Variants in SCAMP1 observed in about 807,000 individuals in gnomAD.
SCAMP1 encodes the protein secretory carrier membrane protein 1.
SCAMP1 carries 15 observed loss-of-function variants against 41.8 expected under a neutral mutation model. The observed-to-expected ratio is 0.36, with a 90% CI of 0.24 to 0.55. The LOEUF (loss-of-function observed/expected upper bound fraction) is 0.55. Among genes scored for constraint, SCAMP1 ranks in the 20% least tolerant of loss-of-function variants. SCAMP1 has a pLI of 0.86. For missense variants in SCAMP1, 341 were observed against 412.6 expected, an observed-to-expected ratio of 0.83 and a Z score of 1.50; for synonymous variants, 135 against 136.8, an observed-to-expected ratio of 0.99 and a Z score of 0.09.
chr5:78,363,885 GA>G (rs1336539668), intron 1 of SCAMP1, among the ~76,000 whole-genome samples: 2 of 152,012 alleles, frequency 1.3e-5, no homozygotes, highest in Non-Finnish European at 2.9e-5. Context: ...TATGAAATTT[GA>G]ATGGCTTTCA....
At chr5:78,469,183 A>G (rs1299318987) in intron 8 of SCAMP1, among the ~76,000 whole-genome samples, 2 of 152,168 alleles carry the variant, frequency 1.3e-5, no homozygotes, top group African/African-American at 4.8e-5. Flanking sequence ...TCCACTTTGT[A>G]ACTTTATTTA....
chr5:78,454,753 G>A (rs781490094), intron 7 of SCAMP1, among the ~76,000 whole-genome samples: 198 of 152,314 alleles, frequency 1.3e-3, no homozygotes, highest in Non-Finnish European at 2.4e-3. Flanking sequence ...GTTTCAGAAG[G>A]AATGGTACCA....
At chr5:78,431,441 T>C (rs533913971) in intron 6 of SCAMP1, among the ~76,000 whole-genome samples, 1 of 151,780 alleles carries the variant, frequency 6.6e-6, no homozygotes, top group South Asian at 2.1e-4. Flanking sequence ...ATATTTAATA[T>C]AATTACTTAT....
Position 78,444,492 on chromosome 5 carries a change from A to C in SCAMP1, c.633-5441A>C, listed in dbSNP as rs1048258896. Reference sequence around the variant, plus strand: ...GAAAACCTGCCCCCATGATTCAGTTACTTGCCACCAGGTCCCTCCCATGAC... The same window carrying C: ...GAAAACCTGCCCCCATGATTCAGTTCCTTGCCACCAGGTCCCTCCCATGAC... On this transcript the variant is annotated intron_variant, in intron 6 of 8. Coordinates refer to ENST00000621999, the MANE Select transcript of SCAMP1 (RefSeq NM_004866.6). Among the ~76,000 whole-genome samples, 3 of 152,194 alleles carry C rather than the reference A, an allele frequency of 2.0e-5. No homozygotes were observed. In the South Asian group the frequency reaches 6.2e-4, roughly 32 times the overall value.
At chr5:78,469,956 G>A (rs1038423437) in intron 8 of SCAMP1, among the ~76,000 whole-genome samples, 1 of 132,904 alleles carries the variant, frequency 7.5e-6, no homozygotes, top group Non-Finnish European at 1.6e-5. Flanking sequence ...CAGGCATGGT[G>A]GTGTGAGTTT....
At chr5:78,365,417 T>A (rs1358503420) in intron 1 of SCAMP1, among the ~76,000 whole-genome samples, 1 of 130,162 alleles carries the variant, frequency 7.7e-6, no homozygotes, top group Non-Finnish European at 1.5e-5. Context: ...GAGGTTGCAG[T>A]GAGCTGAGAT....
chr5:78,440,478 C>T (rs574913877), intron 6 of SCAMP1, among the ~76,000 whole-genome samples: 1 of 152,176 alleles, frequency 6.6e-6, no homozygotes, highest in Non-Finnish European at 1.5e-5. Context: ...GAGGTCCACT[C>T]CAGACTGTTT....
chr5:78,366,931 A>AG (rs1332312160), intron 1 of SCAMP1, among the ~76,000 whole-genome samples: 1 of 151,852 alleles, frequency 6.6e-6, no homozygotes, highest in East Asian at 1.9e-4. Flanking sequence ...AAAAAAAAAA[A>AG]AAAAAACCCA....
At chr5:78,391,631 G>C (rs1447124667) in intron 2 of SCAMP1, among the ~76,000 whole-genome samples, 1 of 152,286 alleles carries the variant, frequency 6.6e-6, no homozygotes, top group East Asian at 1.9e-4. Context: ...CTGCACTCCC[G>C]GCACTTTGGG....
At chr5:78,363,033 C>T (rs113331593) in intron 1 of SCAMP1, among the ~76,000 whole-genome samples, 4,843 of 151,762 alleles carry the variant, frequency 0.032, 240 homozygotes, top group African/African-American at 0.1. Context: ...GCTGGTATTA[C>T]AGGTGCCCGC....
At chr5:78,376,568 A>G (rs1751070634) in intron 1 of SCAMP1, among the ~76,000 whole-genome samples, 1 of 152,232 alleles carries the variant, frequency 6.6e-6, no homozygotes, top group Admixed American at 6.5e-5. Flanking sequence ...TCTGTTCAAT[A>G]AATGATTTCG....
At chr5:78,462,552 G>A (rs193231237) in intron 8 of SCAMP1, among the ~76,000 whole-genome samples, 139 of 152,200 alleles carry the variant, frequency 9.1e-4, no homozygotes, top group African/African-American at 3.2e-3. Context: ...TGTAACTCCT[G>A]ACCTCAAGTG....
chr5:78,447,375 C>A (rs1189177276), intron 6 of SCAMP1, among the ~76,000 whole-genome samples: 1 of 151,918 alleles, frequency 6.6e-6, no homozygotes, highest in Non-Finnish European at 1.5e-5. Flanking sequence ...TAGAAAACTT[C>A]AAAATAGTAT....
At chr5:78,423,792 A>T (rs1023684840) in intron 6 of SCAMP1, among the ~76,000 whole-genome samples, 1 of 151,962 alleles carries the variant, frequency 6.6e-6, no homozygotes, top group Non-Finnish European at 1.5e-5. Flanking sequence ...TTTAGAGTAT[A>T]TACAAATATA....
chr5:78,438,463 C>T (rs1388720383), intron 6 of SCAMP1, among the ~76,000 whole-genome samples: 1 of 152,152 alleles, frequency 6.6e-6, no homozygotes, highest in Non-Finnish European at 1.5e-5. Flanking sequence ...GCCTTCATTT[C>T]GTTTTTTACC....
chr5:78,468,364 T>A (rs2112248406), intron 8 of SCAMP1, among the ~76,000 whole-genome samples: 1 of 152,294 alleles, frequency 6.6e-6, no homozygotes, highest in South Asian at 2.1e-4. Flanking sequence ...ATTAGAACTA[T>A]CAGAAAGAAT....
chr5:78,376,947 G>A (rs1319109440), intron 1 of SCAMP1, among the ~76,000 whole-genome samples: 2 of 152,110 alleles, frequency 1.3e-5, no homozygotes, highest in Admixed American at 6.5e-5. Flanking sequence ...AATTGACAGG[G>A]TGATCCTAAG....
At chr5:78,459,204 A>T in intron 7 of SCAMP1, 41 bp from the exon 8 acceptor site, 1 of 908,156 alleles carries the variant, frequency 1.1e-6, no homozygotes, top group East Asian at 2.5e-5. Context: ...TAAAAAGTTT[A>T]CATCAACTTT....
At chr5:78,386,211 C>G (rs539389456) in intron 1 of SCAMP1, among the ~76,000 whole-genome samples, 2 of 152,072 alleles carry the variant, frequency 1.3e-5, no homozygotes, top group East Asian at 3.9e-4. Flanking sequence ...TATGATGTCC[C>G]TCTTTGTCTT....
Sources: allele counts gnomAD v4.1 joint callset (sites outside exome capture counted in the v4.1 genomes callset), GRCh38; gene constraint gnomAD v4.1.1; transcripts MANE v1.5; gene names NCBI Gene and HGNC (gene_info 2026-07-23, HGNC 2026-07-21).